Variants in ZNF346 observed in about 807,000 individuals in gnomAD.
ZNF346 encodes double-stranded RNA-binding zinc finger protein JAZ.
A neutral mutation model predicts 33.7 loss-of-function variants in ZNF346; 23 were observed. That is an observed-to-expected ratio of 0.68 (90% CI 0.49 to 0.97). The LOEUF (loss-of-function observed/expected upper bound fraction) is 0.97. ZNF346 is among the 50% of genes least tolerant of loss of function. The pLI, the probability that ZNF346 is intolerant of heterozygous loss-of-function variation, is 0.00. For missense variants in ZNF346, 340 were observed against 371.1 expected (o/e 0.92, Z 0.69); for synonymous variants, 134 against 142.4 (o/e 0.94, Z 0.42).
intron 1 of ZNF346, among the ~76,000 whole-genome samples, chr5:177,026,827 C>T (rs1212854027): frequency 6.6e-6 from 1 of 152,082 alleles, no homozygotes. Flanking sequence ...CATTGATTTA[C>T]AGAAATAACA....
At chr5:177,039,766 C>G (rs993881572) in intron 1 of ZNF346, among the ~76,000 whole-genome samples, 1 of 152,238 alleles carries the variant, frequency 6.6e-6, no homozygotes, top group African/African-American at 2.4e-5. Context: ...GTGTGAGCCA[C>G]TGTGCCTAGC....
At chr5:177,072,875 A>T (rs1306771010), downstream of ZNF346, among the ~76,000 whole-genome samples, 4 of 152,212 alleles carry the variant, frequency 2.6e-5, no homozygotes, top group Non-Finnish European at 4.4e-5. Context: ...CCTGAAGCTA[A>T]TATCCCCCAG....
intron 1 of ZNF346, among the ~76,000 whole-genome samples, chr5:177,035,903 T>C (rs533682387): frequency 4.5e-4 from 68 of 152,090 alleles, no homozygotes; most frequent in Non-Finnish European, 1.9e-4. Flanking sequence ...CCTCCCAAAG[T>C]GCTGGTATTA....
rs745691186 is a variant in ZNF346, at chr5:177,041,110, G to A, written c.176-16G>A. 3.9e-5 allele frequency: 63 copies of A among 1,599,798 alleles called. No individual in the cohort carries two copies. The highest frequency in any genetic ancestry group is 1.7e-4 in the Middle Eastern group (1 of 6,034). ...GTGTTTGTCAACTCAATGATTTCTT[G>A]TTTTCCCCTCTATAGTGGAGCACAT... On this transcript the variant is annotated splice_polypyrimidine_tract_variant and intron_variant, in intron 1 of 6. Coordinates refer to ENST00000358149, the MANE Select transcript of ZNF346 (RefSeq NM_012279.4).
intron 1 of ZNF346, among the ~76,000 whole-genome samples, chr5:177,028,236 A>G (rs531804355): frequency 1.4e-5 from 2 of 145,856 alleles, no homozygotes; most frequent in African/African-American, 5.1e-5. Flanking sequence ...ACGGGGTTTC[A>G]CTGTGTTGGC....
chr5:177,059,793 C>T (rs1250568555), intron 5 of ZNF346, among the ~76,000 whole-genome samples: 1 of 152,128 alleles, frequency 6.6e-6, no homozygotes, highest in African/African-American at 2.4e-5. Context: ...TAATATGTGC[C>T]AGGCATTGTG....
chr5:177,027,771 A>G (rs1475872208), intron 1 of ZNF346, among the ~76,000 whole-genome samples: 1 of 151,180 alleles, frequency 6.6e-6, no homozygotes, highest in Non-Finnish European at 1.5e-5. Flanking sequence ...CTTCAAACTC[A>G]AAGCTAGGAC....
intron 5 of ZNF346, among the ~76,000 whole-genome samples, chr5:177,056,793 A>C (rs1482087383): frequency 1.3e-5 from 2 of 152,040 alleles, no homozygotes; most frequent in Non-Finnish European, 2.9e-5. Context: ...GAGGGATAGC[A>C]TTAGGAGATA....
At chr5:177,047,030 T>TTTTA (rs140329566) in intron 4 of ZNF346, among the ~76,000 whole-genome samples, 1,883 of 147,854 alleles carry the variant, frequency 0.013, 14 homozygotes, top group South Asian at 0.043. Context: ...TTTTATTTAT[T>TTTTA]TTTATTTATT....
intron 1 of ZNF346, among the ~76,000 whole-genome samples, chr5:177,026,148 G>A (rs1449125349): frequency 6.6e-6 from 1 of 151,732 alleles, no homozygotes. Flanking sequence ...GGGATTACAG[G>A]TGTTCACCAC....
Position 177,041,110 on chromosome 5 carries a change from GTT to G in ZNF346, c.176-13_176-12del, listed in dbSNP as rs1779280918. ...GTGTTTGTCAACTCAATGATTTCTT[GTT>G]TTCCCCTCTATAGTGGAGCACATGA... On this transcript the variant is annotated splice_polypyrimidine_tract_variant and intron_variant, in intron 1 of 6. Transcript: ENST00000358149. The G allele has an allele frequency of 1.3e-6, 2 of 1,599,680 alleles. No homozygotes were observed.
chr5:177,042,132 G>T, intron 3 of ZNF346: 1 of 341,426 alleles, frequency 2.9e-6, no homozygotes, highest in Non-Finnish European at 5.4e-6. Context: ...CACATAGTAG[G>T]GACTCAGTAA....
At chr5:177,024,270 A>ACTG (rs1561954756) in intron 1 of ZNF346, among the ~76,000 whole-genome samples, 1 of 136,468 alleles carries the variant, frequency 7.3e-6, no homozygotes, top group Non-Finnish European at 1.5e-5. Context: ...GCACAATCAC[A>ACTG]CTGCAACCTC....
At chr5:177,038,266 T>TG (rs1027450574) in intron 1 of ZNF346, among the ~76,000 whole-genome samples, 2 of 148,614 alleles carry the variant, frequency 1.3e-5, no homozygotes, top group African/African-American at 5.0e-5. Context: ...GTTTTTTTTT[T>TG]TTGTGTGTGT....
chr5:177,046,331 A>G (rs1164575298), intron 4 of ZNF346, among the ~76,000 whole-genome samples: 1 of 151,738 alleles, frequency 6.6e-6, no homozygotes, highest in Non-Finnish European at 1.5e-5. Context: ...CAATTTTATA[A>G]GGTCACAGAC....
intron 6 of ZNF346, among the ~76,000 whole-genome samples, chr5:177,062,930 A>C (rs1393364825): frequency 6.6e-6 from 1 of 152,226 alleles, no homozygotes; most frequent in African/African-American, 2.4e-5. Context: ...GCTCTTCCCA[A>C]GGCGTCAGGC....
rs760757696 is a variant in ZNF346 at position 177,030,906 on chromosome 5, A to ATT, written c.175+8012_175+8013dup. Among the ~76,000 whole-genome samples the ATT allele has an allele frequency of 8.4e-4, 87 of 103,516 alleles. 1 individual carries two copies. Among genetic ancestry groups the ATT allele is most frequent in the African/African-American group, 1.2e-3 (32 of 27,452 alleles). The allele number at this position is 103,516 out of a possible 152,430, so 67.9% of individuals were successfully genotyped here. A position where few individuals can be genotyped will look rare whatever the true frequency, so the allele number is the denominator to read the frequency against. On this transcript the variant is annotated intron_variant, in intron 1 of 6. Transcript: ENST00000358149. ...TGACTGGCTTCTTTCGCTTAGTGTA[A>ATT]TTTTTTTTTTTTTTTTTTTTGGTTT...
chr5:177,038,876 TTGTGTGTGTGTGTGTGTG>T (rs56812954), intron 1 of ZNF346, among the ~76,000 whole-genome samples: 2 of 135,356 alleles, frequency 1.5e-5, no homozygotes, highest in South Asian at 2.6e-4. Context: ...CTTCTTCTTC[TTGTGTGTGTGTGTGTGTG>T]TGTGTGTGTG....
intron 8 of ZNF346, among the ~76,000 whole-genome samples, chr5:177,074,923 G>A (rs373237953): frequency 1.3e-5 from 2 of 151,722 alleles, no homozygotes; most frequent in African/African-American, 4.8e-5. Context: ...AAATTTAGCC[G>A]GGCATGGTGG....
Sources: allele counts gnomAD v4.1 joint callset (sites outside exome capture counted in the v4.1 genomes callset), GRCh38; gene constraint gnomAD v4.1.1; transcripts MANE v1.5; gene names NCBI Gene and HGNC (gene_info 2026-07-23, HGNC 2026-07-21).